The following CYP2J2 variants were observed in gnomAD, a reference collection of about 807,000 sequenced individuals.
CYP2J2 encodes cytochrome P450 family 2 subfamily J member 2.
In CYP2J2, 41 loss-of-function variants were observed where a neutral mutation model predicts 48.8. The observed-to-expected ratio is 0.84, with a 90% CI of 0.66 to 1.09. The LOEUF (loss-of-function observed/expected upper bound fraction) is 1.09. Ranked by LOEUF, CYP2J2 falls within the 50% of genes least tolerant of loss-of-function variation. CYP2J2 has a pLI of 0.00. For missense variants in CYP2J2, 644 were observed against 617.3 expected (o/e 1.04, Z -0.46); for synonymous variants, 221 against 227.1 (o/e 0.97, Z 0.24).
At chr1:59,900,089 C>T (rs1363779044) in intron 8 of CYP2J2, among the ~76,000 whole-genome samples, 1 of 152,094 alleles carries the variant, frequency 6.6e-6, no homozygotes, top group African/African-American at 2.4e-5. Flanking sequence ...TTTCAAGTTA[C>T]ATATTATATA....
chr1:59,935,278 A>C, the CYP2J2 span, among the ~76,000 whole-genome samples: 1 of 151,904 alleles, frequency 6.6e-6, no homozygotes, highest in African/African-American at 2.4e-5. Context: ...GATGTTGGTT[A>C]AAGGGTACAC....
the CYP2J2 span, among the ~76,000 whole-genome samples, chr1:59,935,019 T>TATATATATATATATATATATATATAC: frequency 5.5e-4 from 23 of 41,904 alleles, 1 homozygote; most frequent in Non-Finnish European, 1.0e-3. Context: ...TATATACATA[T>TATATATATATATATATATATATATAC]ATATATATAT....
chr1:59,911,510 A>T, intron 4 of CYP2J2, 98 bp downstream of exon 4: 1 of 828,650 alleles, frequency 1.2e-6, no homozygotes, highest in Non-Finnish European at 1.8e-6. Flanking sequence ...TTATATTTTA[A>T]CTTCAAAAAC....
At chr1:59,901,666 T>A (rs1644320970) in intron 7 of CYP2J2, among the ~76,000 whole-genome samples, 1 of 152,178 alleles carries the variant, frequency 6.6e-6, no homozygotes, top group Non-Finnish European at 1.5e-5. Flanking sequence ...ACACAGGAGT[T>A]CCCAGAGGGA....
intron 4 of CYP2J2, among the ~76,000 whole-genome samples, chr1:59,910,204 T>C (rs1415613552): frequency 6.6e-6 from 1 of 152,300 alleles, no homozygotes; most frequent in Non-Finnish European, 1.5e-5. Context: ...AAAATACTTA[T>C]GAGACATCTG....
rs11572190 is a variant in CYP2J2 at position 59,926,602 on chromosome 1, G to A, written c.145C>T (p.Arg49Cys). The A allele has an allele frequency of 4.3e-6, 7 of 1,614,198 alleles. No individual in the cohort carries two copies. Among genetic ancestry groups the A allele is most frequent in the African/African-American group, 2.7e-5 (2 of 75,050 alleles). ...RPKNYPPGPWRLPFLGNFFLV... is the reference protein window; with the variant it reads ...RPKNYPPGPWCLPFLGNFFLV... ...AAGAAGTTGCCAAGGAAGGGCAGGCGCCAGGGCCCCGGCGGGTAGTTCTTT... is the reference window on the plus strand; with the variant it reads ...AAGAAGTTGCCAAGGAAGGGCAGGCACCAGGGCCCCGGCGGGTAGTTCTTT... Residue 49 changes from arginine (R) to cysteine (C), a missense_variant, in exon 1 of 9, where the codon CGC (arginine) becomes TGC (cysteine). Coordinates refer to ENST00000371204, the MANE Select transcript of CYP2J2 (RefSeq NM_000775.4).
chr1:59,907,953 T>C (rs111716377), intron 5 of CYP2J2, 26 bp from the exon 6 acceptor site: 20 of 1,611,426 alleles, frequency 1.2e-5, no homozygotes, highest in Middle Eastern at 1.6e-4. Context: ...TTTGATGTTA[T>C]TTATTGGTTT....
At chr1:59,958,150 G>C in the CYP2J2 span, among the ~76,000 whole-genome samples, 6 of 152,060 alleles carry the variant, frequency 3.9e-5, no homozygotes, top group Non-Finnish European at 5.9e-5. Context: ...GACCACATCA[G>C]GACACATTCA....
intron 1 of CYP2J2, among the ~76,000 whole-genome samples, chr1:59,918,234 T>C (rs1030340785): frequency 7.2e-5 from 11 of 152,322 alleles, no homozygotes; most frequent in African/African-American, 2.6e-4. Flanking sequence ...TTCTTAGGCC[T>C]GACAAGAAGG....
chr1:59,917,128 C>T (rs1644473421), intron 1 of CYP2J2, among the ~76,000 whole-genome samples: 1 of 152,120 alleles, frequency 6.6e-6, no homozygotes, highest in South Asian at 2.1e-4. Flanking sequence ...AACTCCCCAG[C>T]TATAAAAGGG....
upstream of CYP2J2, among the ~76,000 whole-genome samples, chr1:59,930,172 T>C (rs1644596410): frequency 6.6e-6 from 1 of 152,228 alleles, no homozygotes; most frequent in South Asian, 2.1e-4. Context: ...ACTTGAGTTG[T>C]GTCCACCTGT....
chr1:59,941,342 T>C, the CYP2J2 span, among the ~76,000 whole-genome samples: 1 of 148,876 alleles, frequency 6.7e-6, no homozygotes, highest in East Asian at 1.9e-4. Flanking sequence ...TGGCATAGTG[T>C]AACACATTAC....
chr1:59,954,390 A>G, the CYP2J2 span, among the ~76,000 whole-genome samples: 1 of 152,308 alleles, frequency 6.6e-6, no homozygotes, highest in Non-Finnish European at 1.5e-5. Flanking sequence ...AACTCCACTA[A>G]TATGAGAGCA....
the CYP2J2 span, among the ~76,000 whole-genome samples, chr1:59,939,541 A>G: frequency 1.3e-5 from 2 of 152,060 alleles, no homozygotes; most frequent in Non-Finnish European, 2.9e-5. Flanking sequence ...GACCTAATCT[A>G]TCCCAGCACT....
At chr1:59,936,275 G>T in the CYP2J2 span, among the ~76,000 whole-genome samples, 1 of 152,318 alleles carries the variant, frequency 6.6e-6, no homozygotes, top group South Asian at 2.1e-4. Flanking sequence ...ATGCCAGTGA[G>T]TGGCAAAGCA....
chr1:59,950,779 C>T, the CYP2J2 span, among the ~76,000 whole-genome samples: 4 of 152,150 alleles, frequency 2.6e-5, no homozygotes, highest in Non-Finnish European at 5.9e-5. Flanking sequence ...TCTCATTTGA[C>T]ATCTGAGGCA....
the CYP2J2 span, among the ~76,000 whole-genome samples, chr1:59,965,729 G>A: frequency 6.6e-6 from 1 of 152,126 alleles, no homozygotes; most frequent in Non-Finnish European, 1.5e-5. Context: ...TTGGCTCACT[G>A]CAATCTCTGC....
chr1:59,964,563 G>A, the CYP2J2 span, among the ~76,000 whole-genome samples: 1 of 152,216 alleles, frequency 6.6e-6, no homozygotes, highest in Non-Finnish European at 1.5e-5. Flanking sequence ...CATAAGATGA[G>A]AAGCTCCTTC....
intron 2 of CYP2J2, among the ~76,000 whole-genome samples, chr1:59,915,079 T>A (rs1325159599): frequency 6.6e-6 from 1 of 152,242 alleles, no homozygotes. Flanking sequence ...CTTGAACTTA[T>A]TTGTGACACA....
Sources: allele counts gnomAD v4.1 joint callset (sites outside exome capture counted in the v4.1 genomes callset), GRCh38; gene constraint gnomAD v4.1.1; transcripts MANE v1.5; gene names NCBI Gene and HGNC (gene_info 2026-07-23, HGNC 2026-07-21).